MYO15B: variants seen among roughly 807,000 people sequenced by gnomAD.
The protein encoded by MYO15B is myosin XVB pseudogene.
A neutral mutation model predicts 119.3 loss-of-function variants in MYO15B; 207 were observed. That is an observed-to-expected ratio of 1.73 (90% CI 1.55 to 1.95). MYO15B has a LOEUF of 1.95. MYO15B is among the 30% of genes most tolerant of loss of function. MYO15B has a pLI of 0.00. For missense variants in MYO15B, 2,264 were observed against 1,203.1 expected (o/e 1.88, Z -13.04); for synonymous variants, 966 against 498.9 (o/e 1.94, Z -12.48).
chr17:75,623,500 C>T (rs1466200258), intron 53 of MYO15B, among the ~76,000 whole-genome samples: 3 of 152,110 alleles, frequency 2.0e-5, no homozygotes, highest in Non-Finnish European at 2.9e-5. Context: ...CGTGGTGGCA[C>T]GCGCCTATTA....
At position 75,611,868 on chromosome 17, in the gene MYO15B, C is replaced by G. The variant is rs1458604513; in HGVS notation, c.4505-18C>G. The G allele has an allele frequency of 2.8e-6, 2 of 702,700 alleles. No homozygotes were observed. The highest frequency in any genetic ancestry group is 2.6e-6 in the Non-Finnish European group (1 of 384,956). The allele number at this position is 702,700 out of a possible 1,614,324, so 43.5% of individuals were successfully genotyped here. A position where few individuals can be genotyped will look rare whatever the true frequency, so the allele number is the denominator to read the frequency against. ...ACACCTGGATGCTCCTGGGCTGCCT[C>G]CCGGTGCTTGTTCCCAGGCCATCGG... On this transcript the variant is annotated intron_variant, in intron 24 of 63. Coordinates refer to ENST00000645453, the Ensembl canonical transcript of MYO15B.
chr17:75,606,977 C>T (rs2057696873), intron 21 of MYO15B: 3 of 398,476 alleles, frequency 7.5e-6, no homozygotes, highest in African/African-American at 2.1e-5. Flanking sequence ...TGACCGTCTG[C>T]CTCATCTACC....
chr17:75,614,070 T>C (rs749535973), intron 29 of MYO15B, 129 bp from the exon 30 acceptor site: 3 of 623,152 alleles, frequency 4.8e-6, no homozygotes, highest in Non-Finnish European at 8.7e-6. Context: ...TGAGCAAACC[T>C]GGGTCCCGGA....
exon 59 of MYO15B, chr17:75,624,832 C>T (rs964513600): frequency 6.1e-5 from 43 of 702,886 alleles, no homozygotes; most frequent in African/African-American, 3.3e-4. Context: ...TGGACCAGGA[C>T]GTGAGCCTGC....
chr17:75,601,011 C>T (rs2057247814), intron 14 of MYO15B, among the ~76,000 whole-genome samples: 1 of 150,978 alleles, frequency 6.6e-6, no homozygotes, highest in Admixed American at 6.6e-5. Context: ...TCAAGTGATT[C>T]TCCTGCCTCA....
exon 55 of MYO15B, chr17:75,624,014 G>A (rs2058865202): frequency 2.8e-6 from 2 of 702,900 alleles, no homozygotes; most frequent in Non-Finnish European, 5.2e-6. Flanking sequence ...CCGTCGACCA[G>A]GCTGATGCCC....
chr17:75,600,012 CTTTTT>C (rs1178669292), intron 14 of MYO15B, among the ~76,000 whole-genome samples: 63 of 148,516 alleles, frequency 4.2e-4, no homozygotes, highest in African/African-American at 1.5e-3. Context: ...ATCTCTATTT[CTTTTT>C]TTTTCTTTTT....
rs11423867 is a variant in MYO15B at position 75,606,481 on chromosome 17, A to ATT, written c.4292+468_4292+469dup. On this transcript the variant is annotated intron_variant, in intron 21 of 63. Transcript: ENST00000645453. ...AGGCTTGTGCCACCACACTCAGCTAATTTTTTTTTGAGATGGAGTTTCACT... is the reference window on the plus strand; with the variant it reads ...AGGCTTGTGCCACCACACTCAGCTAATTTTTTTTTTTGAGATGGAGTTTCACT... 9.0e-3 allele frequency among the ~76,000 whole-genome samples: 1,327 copies of ATT among 148,064 alleles called. 12 individuals are homozygous for ATT. The highest frequency in any genetic ancestry group is 0.025 in the African/African-American group (994 of 39,816).
intron 44 of MYO15B, 49 bp downstream of exon 44, chr17:75,619,267 C>T (rs762925940): frequency 3.8e-5 from 27 of 702,570 alleles, no homozygotes; most frequent in Admixed American, 6.0e-5. Flanking sequence ...CTGGGGGCCG[C>T]GCCTGCCCTG....
At chr17:75,604,395 T>C (rs997625631) in intron 19 of MYO15B, among the ~76,000 whole-genome samples, 1 of 151,878 alleles carries the variant, frequency 6.6e-6, no homozygotes, top group Non-Finnish European at 1.5e-5. Context: ...CTACTGAGTG[T>C]CCATTAAGCC....
chr17:75,602,116 G>C (rs1372557331), intron 15 of MYO15B, among the ~76,000 whole-genome samples: 3 of 152,198 alleles, frequency 2.0e-5, no homozygotes, highest in Non-Finnish European at 2.9e-5. Context: ...CCCTGGAGGA[G>C]ATGGCACACT....
exon 29 of MYO15B, chr17:75,613,720 C>A (rs1377258932): frequency 1.4e-6 from 1 of 702,378 alleles, no homozygotes; most frequent in East Asian, 2.7e-5. Context: ...TGCTACTCGG[C>A]CGAGGTGGAG....
intron 27 of MYO15B, 23 bp downstream of exon 27, chr17:75,613,232 A>G (rs2058139719): frequency 1.5e-6 from 1 of 680,634 alleles, no homozygotes; most frequent in Non-Finnish European, 2.7e-6. Flanking sequence ...GGAGGTGGGG[A>G]CCTGGCAGGT....
chr17:75,604,507 C>T (rs549371297), intron 19 of MYO15B, among the ~76,000 whole-genome samples: 1 of 139,342 alleles, frequency 7.2e-6, no homozygotes, highest in African/African-American at 2.7e-5. Context: ...CTCCCTCCCA[C>T]GCCCCTCCCT....
intron 6 of MYO15B, 46 bp from the exon 7 acceptor site, chr17:75,592,192 G>T (rs756240664): frequency 1.4e-6 from 1 of 701,908 alleles, no homozygotes; most frequent in Non-Finnish European, 2.6e-6. Context: ...GGGGCCCCTG[G>T]GTGTTCTGCA....
intron 9 of MYO15B, among the ~76,000 whole-genome samples, chr17:75,593,400 C>T (rs1266412897): frequency 2.0e-5 from 3 of 152,012 alleles, no homozygotes; most frequent in Non-Finnish European, 4.4e-5. Context: ...GAGTTTGAGA[C>T]CAGCCTGGCC....
intron 21 of MYO15B, 107 bp downstream of exon 21, chr17:75,606,128 A>T: frequency 1.7e-6 from 1 of 591,878 alleles, no homozygotes. Context: ...AAGGCAAGTC[A>T]TCCTGCCCCA....
chr17:75,605,748 C>T (rs530998022), intron 20 of MYO15B, 116 bp from the exon 21 acceptor site: 17 of 655,682 alleles, frequency 2.6e-5, no homozygotes, highest in Admixed American at 1.1e-4. Flanking sequence ...AAGGGCTGGA[C>T]GGCAGGGCCA....
intron 19 of MYO15B, among the ~76,000 whole-genome samples, chr17:75,604,513 T>TCCCTCCCTTCCATGC (rs1219382892): frequency 0.011 from 401 of 36,318 alleles, 12 homozygotes; most frequent in Admixed American, 0.11. Flanking sequence ...CCCACGCCCC[T>TCCCTCCCTTCCATGC]CCCTCCCTTC....
Sources: allele counts gnomAD v4.1 joint callset (sites outside exome capture counted in the v4.1 genomes callset), GRCh38; gene constraint gnomAD v4.1.1; transcripts MANE v1.5; gene names NCBI Gene and HGNC (gene_info 2026-07-23, HGNC 2026-07-21).